Variants in FLNB observed in about 807,000 individuals in gnomAD.
FLNB encodes the protein filamin-B.
In FLNB, 111 loss-of-function variants were observed where a neutral mutation model predicts 250.6. That is an observed-to-expected ratio of 0.44 (90% confidence interval 0.38 to 0.52). The LOEUF (loss-of-function observed/expected upper bound fraction) is 0.52, where lower values mean the gene tolerates loss of function less well. Among genes scored for constraint, FLNB ranks in the 20% least tolerant of loss-of-function variants. The pLI, the probability that FLNB is intolerant of heterozygous loss-of-function variation, is 0.00. For missense variants in FLNB, 2,869 were observed against 3,447.8 expected (o/e 0.83, Z 4.20); for synonymous variants, 1,302 against 1,372.1 (o/e 0.95, Z 1.13).
At position 58,124,323 on chromosome 3, in the gene FLNB, G is replaced by T. The variant is rs771488413; in HGVS notation, c.3725-9G>T. On this transcript the variant is annotated splice_polypyrimidine_tract_variant and intron_variant, in intron 21 of 45. Coordinates refer to ENST00000295956, the MANE Select transcript of FLNB (RefSeq NM_001457.4). ...TGGTGGCAGTGTTAGCTATGTGCTT[G>T]CTCTGCAGATGTGTTCCGGGAAGCT... The T allele has an allele frequency of 6.2e-7, 1 of 1,614,194 alleles. No homozygotes were observed. The highest frequency in any genetic ancestry group is 1.1e-5 in the South Asian group (1 of 91,070).
At chr3:58,037,253 C>T (rs747868877) in intron 1 of FLNB, among the ~76,000 whole-genome samples, 6 of 151,892 alleles carry the variant, frequency 4.0e-5, no homozygotes, top group Non-Finnish European at 5.9e-5. Context: ...TTAGTAGAGA[C>T]GGGGTTTCGC....
At chr3:58,100,216 TCTA>T (rs1208590761) in intron 8 of FLNB, among the ~76,000 whole-genome samples, 1 of 151,986 alleles carries the variant, frequency 6.6e-6, no homozygotes, top group Non-Finnish European at 1.5e-5. Context: ...CTTTCCTAAT[TCTA>T]CTATTGTTTT....
Position 58,170,757 on chromosome 3 carries a change from C to G in FLNB, c.7804C>G (p.Pro2602Ala), listed in dbSNP as rs1359885883. Residue 2602 changes from proline (P) to alanine (A), a missense_variant, in exon 46 of 46, where the codon CCT becomes GCT. Transcript: ENST00000295956. The part of the protein sequence containing the change: ...IPGSPFHVTV[P>A] ...TGGCAGCCCTTTTCATGTCACAGTG[C>G]CTTAAAACAGTTTTCTCAAATCCTG... 4 of 1,613,738 alleles carry G rather than the reference C, an allele frequency of 2.5e-6. No individual in the cohort carries two copies. Among genetic ancestry groups the G allele is most frequent in the Non-Finnish European group, 3.4e-6 (4 of 1,179,714 alleles).
At chr3:58,024,237 G>A (rs1265622806) in intron 1 of FLNB, among the ~76,000 whole-genome samples, 1 of 152,210 alleles carries the variant, frequency 6.6e-6, no homozygotes, top group Non-Finnish European at 1.5e-5. Context: ...AGACCTTGCT[G>A]CTTTCTAGCT....
intron 41 of FLNB, among the ~76,000 whole-genome samples, chr3:58,157,933 G>A (rs1025797722): frequency 6.6e-6 from 1 of 152,234 alleles, no homozygotes; most frequent in East Asian, 1.9e-4. Flanking sequence ...GTGTTCATCA[G>A]CATCGCCCCC....
intron 18 of FLNB, among the ~76,000 whole-genome samples, chr3:58,115,453 G>C (rs1273849159): frequency 6.6e-6 from 1 of 152,210 alleles, no homozygotes; most frequent in Non-Finnish European, 1.5e-5. Context: ...GACAGGGTCA[G>C]GGTTTGACCT....
rs200241997 is a variant in FLNB at position 58,102,293 on chromosome 3, C to G, written c.1436C>G (p.Thr479Ser). 1.1e-5 allele frequency: 17 copies of G among 1,614,224 alleles called. No homozygotes were observed. In the Admixed American group the frequency reaches 2.5e-4, roughly 24 times the overall value. Residue 479 changes from threonine to serine, a missense_variant, in exon 9 of 46, where the codon ACC (threonine) becomes AGC (serine). Physicochemically the swap from Thr to Ser is moderately conservative, Grantham distance 58 (BLOSUM62 1). Transcript: ENST00000295956. Reference sequence around the variant, plus strand: ...GAGACCACAGATTTCAAGGTTGACACCAAAGCTGCAGGAAGTGGGGAGCTC... The same window carrying G: ...GAGACCACAGATTTCAAGGTTGACAGCAAAGCTGCAGGAAGTGGGGAGCTC... ...IRETTDFKVD[T>S]KAAGSGELGV... is the part of the protein sequence containing the mutation.
At chr3:58,148,973 G>A in intron 36 of FLNB, 121 bp downstream of exon 36, 1 of 888,332 alleles carries the variant, frequency 1.1e-6, no homozygotes, top group South Asian at 1.4e-5. Context: ...CAAGCTATAG[G>A]TCCTTCTGCC....
chr3:58,035,508 T>A (rs1254353469), intron 1 of FLNB, among the ~76,000 whole-genome samples: 2 of 152,128 alleles, frequency 1.3e-5, no homozygotes, highest in South Asian at 4.1e-4. Context: ...CACCCCCAAC[T>A]TTTTTAAGAG....
chr3:58,167,472 G>C lies in FLNB; in HGVS notation c.7199-968G>C, dbSNP rs558711094. On this transcript the variant is annotated intron_variant, in intron 43 of 45. Transcript: ENST00000295956. ...ATTAAACCAAAATATTTCCCAGCTG[G>C]GGCAGTGTCTAGGGCTCTGGCAGAA... is the stretch of plus-strand genomic sequence containing the variant. Among the ~76,000 whole-genome samples, 7 of 152,344 alleles carry C rather than the reference G, an allele frequency of 4.6e-5. No individual in the cohort carries two copies. The South Asian group carries it at 1.5e-3, about 32-fold the overall frequency.
intron 1 of FLNB, among the ~76,000 whole-genome samples, chr3:58,046,374 A>T (rs1027074591): frequency 6.6e-6 from 1 of 152,160 alleles, no homozygotes; most frequent in African/African-American, 2.4e-5. Flanking sequence ...CTCACACACC[A>T]TAAAATTCAC....
intron 40 of FLNB, 57 bp from the exon 41 acceptor site, chr3:58,155,903 A>G: frequency 1.6e-6 from 2 of 1,233,920 alleles, no homozygotes; most frequent in Non-Finnish European, 2.4e-6. Context: ...GGTGAGAAGC[A>G]AGAGTCCACT....
intron 32 of FLNB, among the ~76,000 whole-genome samples, chr3:58,145,566 C>T (rs994215760): frequency 1.3e-5 from 2 of 152,188 alleles, no homozygotes; most frequent in African/African-American, 4.8e-5. Flanking sequence ...TTCCAAAAGC[C>T]CTTTCCACTT....
At chr3:58,095,930 A>C (rs1243944260) in intron 5 of FLNB, among the ~76,000 whole-genome samples, 1 of 152,160 alleles carries the variant, frequency 6.6e-6, no homozygotes, top group Admixed American at 6.5e-5. Context: ...GACACTGGAG[A>C]GTCCTGACTC....
At chr3:58,056,928 C>T (rs983559938) in intron 1 of FLNB, among the ~76,000 whole-genome samples, 1 of 152,098 alleles carries the variant, frequency 6.6e-6, no homozygotes, top group African/African-American at 2.4e-5. Context: ...AATTTCTCAG[C>T]AATCAGTGTA....
rs745482645 is a variant in FLNB, at chr3:58,152,662, C to T, written c.6368-713C>T. 9.0e-5 allele frequency: 82 copies of T among 915,714 alleles called. 1 individual carries two copies. In the South Asian group the frequency reaches 1.1e-3, roughly 13 times the overall value. 56.7% of individuals were successfully genotyped at this position (915,714 alleles called of 1,614,324 possible). On this transcript the variant is annotated intron_variant, in intron 38 of 45. Coordinates refer to ENST00000295956, the MANE Select transcript of FLNB (RefSeq NM_001457.4). ...AGGGACACAAACATTCAGTTCATTA[C>T]ATGGGTGACCCTCTTTTCAACCTCC...
chr3:58,137,363 G>A (rs934930065), intron 28 of FLNB, among the ~76,000 whole-genome samples: 2 of 152,206 alleles, frequency 1.3e-5, no homozygotes, highest in African/African-American at 4.8e-5. Context: ...CTAATTGATG[G>A]CATGTTAACG....
chr3:58,100,385 T>TATATATATATA (rs71091344), intron 8 of FLNB, among the ~76,000 whole-genome samples: 1 of 128,100 alleles, frequency 7.8e-6, no homozygotes, highest in Non-Finnish European at 1.6e-5. Flanking sequence ...TATATATATA[T>TATATATATATA]TTGCAGGGGC....
Position 58,109,310 on chromosome 3 carries a change from C to G in FLNB, c.2187C>G (p.His729Gln). ...TCTGGGGAGGCGTGAACATCCCGCA[C>G]AGCCCCTACAGGGTAGGTTGTGAGG... Reference protein sequence around the residue: ...AVVWGGVNIPHSPYRVNIGQG... With the variant: ...AVVWGGVNIPQSPYRVNIGQG... Residue 729 changes from histidine (H) to glutamine (Q), a missense_variant, in exon 14 of 46, where the codon CAC becomes CAG. His to Gln is a conservative substitution (Grantham distance 24, BLOSUM62 0). Around this residue, in one of 5 missense-constraint regions of FLNB, gnomAD observed 1,348 missense variants for 1,466.7 expected, o/e 0.92. Coordinates refer to ENST00000295956, the MANE Select transcript of FLNB (RefSeq NM_001457.4). The G allele has an allele frequency of 6.2e-7, 1 of 1,613,790 alleles. No homozygotes were observed. The highest frequency in any genetic ancestry group is 8.5e-7 in the Non-Finnish European group (1 of 1,179,850).
Sources: allele counts gnomAD v4.1 joint callset (sites outside exome capture counted in the v4.1 genomes callset), GRCh38; gene constraint gnomAD v4.1.1; regional missense constraint gnomAD v4.1.1; transcripts MANE v1.5; gene names NCBI Gene and HGNC (gene_info 2026-07-23, HGNC 2026-07-21).